The following LRP1B variants were observed in gnomAD, a reference collection of about 807,000 sequenced individuals.
LRP1B encodes the protein low-density lipoprotein receptor-related protein 1B.
In LRP1B, 217 loss-of-function variants were observed where a neutral mutation model predicts 556.6. The ratio of observed to expected loss-of-function variants is 0.39; its 90% CI spans 0.35 to 0.44. The LOEUF is 0.44. LRP1B is among the 20% of genes least tolerant of loss of function. LRP1B has a pLI of 1.00. For missense variants in LRP1B, 5,053 were observed against 5,620.8 expected (o/e 0.90, Z 3.23); for synonymous variants, 2,047 against 1,865.8 (o/e 1.10, Z -2.50).
chr2:140,383,125 C>CCATGATGTT (rs1330963541), intron 67 of LRP1B, among the ~76,000 whole-genome samples: 5 of 152,118 alleles, frequency 3.3e-5, no homozygotes, highest in Admixed American at 2.0e-4. Flanking sequence ...CACTGTTAAG[C>CCATGATGTT]AACACATGAT....
rs567073650 is a variant in LRP1B at position 141,097,468 on chromosome 2, G to A, written c.1014-35195C>T. Among the ~76,000 whole-genome samples, 48 of 152,140 alleles carry A rather than the reference G, an allele frequency of 3.2e-4. 1 individual carries two copies. Among genetic ancestry groups the A allele is most frequent in the Non-Finnish European group, 5.6e-4 (38 of 67,992 alleles). On this transcript the variant is annotated intron_variant, in intron 7 of 90. Transcript: ENST00000389484. ...AAAAAGGAGTAGAAACAGGAAAAAC[G>A]GGAAGACAAAGAACAAAGTTGGGGT... is the stretch of plus-strand genomic sequence containing the variant.
chr2:140,541,776 T>C lies in LRP1B; in HGVS notation c.7387+3A>G. ...AACACATTTGCTTTCTATTATAACT[T>C]ACAGCTATTGGTGTCATTGGCAACA... On this transcript the variant is annotated splice_donor_region_variant and intron_variant, in intron 44 of 90. Transcript: ENST00000389484. 6.2e-7 allele frequency: 1 copy of C among 1,605,560 alleles called. No individual in the cohort carries two copies. The highest frequency in any genetic ancestry group is 8.5e-7 in the Non-Finnish European group (1 of 1,173,920).
At chr2:141,830,250 C>T (rs539762025) in intron 1 of LRP1B, among the ~76,000 whole-genome samples, 3 of 151,900 alleles carry the variant, frequency 2.0e-5, no homozygotes, top group African/African-American at 7.2e-5. Flanking sequence ...GGTAACAGGA[C>T]TCACTCCCAG....
At chr2:141,508,802 T>C (rs1222713139) in intron 2 of LRP1B, among the ~76,000 whole-genome samples, 18 of 152,180 alleles carry the variant, frequency 1.2e-4, no homozygotes. Flanking sequence ...GAAGGCGGAA[T>C]GCATCTTCCT....
At chr2:140,836,697 A>G (rs1380721728) in intron 31 of LRP1B, among the ~76,000 whole-genome samples, 1 of 152,146 alleles carries the variant, frequency 6.6e-6, no homozygotes, top group African/African-American at 2.4e-5. Flanking sequence ...GCAGACAGAG[A>G]TGTGACAGTA....
chr2:141,956,845 T>TA (rs913067426), intron 1 of LRP1B, among the ~76,000 whole-genome samples: 2 of 151,972 alleles, frequency 1.3e-5, no homozygotes, highest in African/African-American at 2.4e-5. Flanking sequence ...GTTCTCAGCA[T>TA]AAAAAAATCA....
chr2:141,102,021 T>G (rs1216037128), intron 7 of LRP1B, among the ~76,000 whole-genome samples: 1 of 152,156 alleles, frequency 6.6e-6, no homozygotes, highest in Non-Finnish European at 1.5e-5. Context: ...ATGAACTTAT[T>G]TGGTTATCCA....
At chr2:141,414,822 T>C (rs543257720) in intron 3 of LRP1B, among the ~76,000 whole-genome samples, 26 of 152,340 alleles carry the variant, frequency 1.7e-4, no homozygotes, top group Non-Finnish European at 2.9e-4. Flanking sequence ...AACTGGTCTC[T>C]CTGGTTTGCA....
intron 1 of LRP1B, among the ~76,000 whole-genome samples, chr2:142,045,362 G>T (rs1574628232): frequency 6.6e-6 from 1 of 151,816 alleles, no homozygotes; most frequent in African/African-American, 2.4e-5. Context: ...TCGTCACCGT[G>T]CTTGCTTTTC....
chr2:141,784,655 A>G lies in LRP1B; in HGVS notation c.205+25624T>C, dbSNP rs190152672. On this transcript the variant is annotated intron_variant, in intron 2 of 90. Coordinates refer to ENST00000389484, the MANE Select transcript of LRP1B (RefSeq NM_018557.3). Reference sequence around the variant, plus strand: ...CTTACCCCAGGGAACTGAATCCCTGATTGTTCAATTTGTCACCCCTTTCCC... The same window carrying G: ...CTTACCCCAGGGAACTGAATCCCTGGTTGTTCAATTTGTCACCCCTTTCCC... 3.0e-3 allele frequency among the ~76,000 whole-genome samples: 454 copies of G among 152,032 alleles called. 3 individuals carry two copies. The highest frequency in any genetic ancestry group is 0.01 in the African/African-American group (428 of 41,534).
At chr2:140,681,587 T>C (rs1685860936) in intron 41 of LRP1B, among the ~76,000 whole-genome samples, 1 of 152,088 alleles carries the variant, frequency 6.6e-6, no homozygotes, top group African/African-American at 2.4e-5. Context: ...AGATACTAAA[T>C]GAATATTTGG....
intron 10 of LRP1B, among the ~76,000 whole-genome samples, chr2:141,051,069 A>T (rs1699021388): frequency 6.6e-6 from 1 of 152,158 alleles, no homozygotes; most frequent in Non-Finnish European, 1.5e-5. Flanking sequence ...AATCAAAACC[A>T]CAATGAGATA....
intron 1 of LRP1B, among the ~76,000 whole-genome samples, chr2:141,956,329 A>C (rs1004971997): frequency 1.3e-5 from 2 of 152,056 alleles, no homozygotes; most frequent in Admixed American, 6.6e-5. Flanking sequence ...ACTCATATTT[A>C]TTTGATGATT....
intron 41 of LRP1B, among the ~76,000 whole-genome samples, chr2:140,607,472 T>C (rs1298793018): frequency 6.6e-6 from 1 of 152,028 alleles, no homozygotes; most frequent in African/African-American, 2.4e-5. Flanking sequence ...GTTCAACAAA[T>C]GTTCATAGCA....
At chr2:141,567,042 G>T (rs538421001) in intron 2 of LRP1B, among the ~76,000 whole-genome samples, 3 of 152,142 alleles carry the variant, frequency 2.0e-5, no homozygotes, top group African/African-American at 4.8e-5. Context: ...CATGAAAAAA[G>T]ATTAGAAAAT....
At chr2:140,765,897 A>G (rs1302473077) in intron 35 of LRP1B, among the ~76,000 whole-genome samples, 1 of 152,128 alleles carries the variant, frequency 6.6e-6, no homozygotes, top group Non-Finnish European at 1.5e-5. Flanking sequence ...TTTGTTTAGA[A>G]TAAGAGGCTA....
chr2:142,128,792 T>G (rs1342413145), intron 1 of LRP1B, among the ~76,000 whole-genome samples: 1 of 152,208 alleles, frequency 6.6e-6, no homozygotes, highest in East Asian at 1.9e-4. Context: ...TGCTTCTATC[T>G]TAGATGTTCC....
At chr2:141,571,629 TATGTTGAGCCAAAGGAA>T (rs1686533389) in intron 2 of LRP1B, among the ~76,000 whole-genome samples, 1 of 152,034 alleles carries the variant, frequency 6.6e-6, no homozygotes, top group Non-Finnish European at 1.5e-5. Flanking sequence ...AATCAAAAAC[TATGTTGAGCCAAAGGAA>T]ATGTTCTAAC....
At chr2:140,500,646 A>T (rs1574009434) in intron 55 of LRP1B, among the ~76,000 whole-genome samples, 1 of 151,984 alleles carries the variant, frequency 6.6e-6, no homozygotes, top group Non-Finnish European at 1.5e-5. Context: ...GTTCCCTATT[A>T]GAATCCTTCA....
Sources: gnomAD v4.1 joint callset for allele counts (sites outside exome capture counted in the v4.1 genomes callset) on GRCh38, gnomAD v4.1.1 for gene constraint, MANE v1.5 for transcripts, NCBI Gene and HGNC (gene_info 2026-07-23, HGNC 2026-07-21) for gene names.